OCRL: variants seen among roughly 807,000 people sequenced by gnomAD.
OCRL encodes the protein inositol polyphosphate 5-phosphatase OCRL.
A neutral mutation model predicts 78.9 loss-of-function variants in OCRL; 8 were observed. The ratio of observed to expected loss-of-function variants is 0.10; its 90% CI spans 0.06 to 0.18. The LOEUF (loss-of-function observed/expected upper bound fraction) is 0.18. Ranked by LOEUF, OCRL falls within the 10% of genes least tolerant of loss-of-function variation. The pLI, the probability that OCRL is intolerant of heterozygous loss-of-function variation, is 1.00. For missense variants in OCRL, 454 were observed against 696.7 expected (o/e 0.65, Z 3.92); for synonymous variants, 240 against 235.4 (o/e 1.02, Z -0.18).
At chrX:129,581,037 G>A (rs976880378) in intron 18 of OCRL, among the ~76,000 whole-genome samples, 15 of 111,655 alleles carry the variant, frequency 1.3e-4, no homozygotes, top group Non-Finnish European at 7.5e-5. Flanking sequence ...GCTAATTTTT[G>A]CCTTTTTAGT....
Position 129,581,716 on chromosome X carries a change from T to C in OCRL, c.2116-2628T>C, listed in dbSNP as rs768042073. 1.4e-4 allele frequency among the ~76,000 whole-genome samples: 13 copies of C among 92,133 alleles called. No individual in the cohort carries two copies. The East Asian group carries it at 1.4e-3, about 10-fold the overall frequency. 80.0% of individuals were successfully genotyped at this position (92,133 alleles called of 115,157 possible). The stretch of plus-strand genomic sequence containing the variant: ...TACTTAGAAATTATATATATATATA[T>C]ACACACACCTGTGTGTGTGTGTGTG... On this transcript the variant is annotated intron_variant, in intron 18 of 23. Transcript: ENST00000371113.
At chrX:129,565,023 T>C (rs1395136636) in intron 12 of OCRL, among the ~76,000 whole-genome samples, 1 of 112,047 alleles carries the variant, frequency 8.9e-6, no homozygotes, top group Non-Finnish European at 1.9e-5. Flanking sequence ...TTAAAATGTA[T>C]GGTCATGAAG....
intron 18 of OCRL, among the ~76,000 whole-genome samples, chrX:129,580,838 A>G (rs1936429414): frequency 9.0e-6 from 1 of 111,568 alleles, no homozygotes; most frequent in Non-Finnish European, 1.9e-5. Flanking sequence ...TCCTTTTTAG[A>G]ACTTCATTTT....
In OCRL at chrX:129,587,041, G is replaced by A. The variant is rs764484301; in HGVS notation, c.2179G>A (p.Ala727Thr). 3 of 1,208,882 alleles carry A rather than the reference G, an allele frequency of 2.5e-6. No homozygotes were observed. Among genetic ancestry groups the A allele is most frequent in the Non-Finnish European group, 3.4e-6 (3 of 892,925 alleles). The change falls in exon 20 of 24, where the codon GCC becomes ACC. Residue 727 changes from alanine (A) to threonine (T), a missense_variant. Coordinates refer to ENST00000371113, the MANE Select transcript of OCRL (RefSeq NM_000276.4). ...GCAAATGGTTCCTTTGGATGAAGGTGCCAGTGAGAGACCCCTTCAGGTTCC... is the reference window on the plus strand; with the variant it reads ...GCAAATGGTTCCTTTGGATGAAGGTACCAGTGAGAGACCCCTTCAGGTTCC... ...LLQMVPLDEG[A>T]SERPLQVPKE... is the part of the protein sequence containing the mutation.
intron 19 of OCRL, among the ~76,000 whole-genome samples, chrX:129,585,358 C>T (rs1320200038): frequency 8.9e-6 from 1 of 112,368 alleles, no homozygotes; most frequent in Admixed American, 9.4e-5. Context: ...GTCTTTTTAT[C>T]TTAGGCAGTG....
chrX:129,575,165 A>T lies in OCRL; in HGVS notation c.1628A>T (p.Tyr543Phe). 8.3e-7 allele frequency: 1 copy of T among 1,204,466 alleles called. No homozygotes were observed. Among genetic ancestry groups the T allele is most frequent in the Non-Finnish European group, 1.1e-6 (1 of 888,510 alleles). ...IGVKVVDERR[Y>F]RKVFEDSVRI... ...GTGAAGGTTGTGGATGAACGAAGGTACCGGAAAGTCTTTGAAGATAGTGTA... is the reference window on the plus strand; with the variant it reads ...GTGAAGGTTGTGGATGAACGAAGGTTCCGGAAAGTCTTTGAAGATAGTGTA... The change falls in exon 16 of 24, where the codon TAC becomes TTC. Residue 543 changes from tyrosine (Y) to phenylalanine (F), a missense_variant. Physicochemically the swap from Tyr to Phe is conservative, Grantham distance 22 (BLOSUM62 3). Transcript: ENST00000371113.
In OCRL at chrX:129,558,847, C is replaced by A; in HGVS notation, c.568C>A (p.Arg190Ser). The A allele has an allele frequency of 5.8e-6, 7 of 1,211,869 alleles. No homozygotes were observed. Among genetic ancestry groups the A allele is most frequent in the Non-Finnish European group, 7.8e-6 (7 of 895,407 alleles). The change falls in exon 8 of 24, where the codon CGT (arginine) becomes AGT (serine). Residue 190 changes from arginine to serine, a missense_variant. Around this residue, in one of 2 missense-constraint regions of OCRL, gnomAD observed 177 missense variants for 179.6 expected, o/e 0.99. Transcript: ENST00000371113. ...PPFSVNKMLP[R>S]EKEASNKEQP... ...CTCTCATTTATTTGCTAGGCTTCCA[C>A]GTGAAAAAGAAGCTTCTAACAAGGA... is the stretch of plus-strand genomic sequence containing the variant.
Position 129,558,858 on chromosome X carries a change from A to G in OCRL, c.579A>G (p.Glu193=). The stretch of plus-strand genomic sequence containing the variant: ...TTGCTAGGCTTCCACGTGAAAAAGA[A>G]GCTTCTAACAAGGAGCAGCCCAAAG... The part of the protein sequence containing the change: ...SVNKMLPREK[E]ASNKEQPKVT... Residue 193 remains glutamate, a synonymous_variant, in exon 8 of 24, where the codon GAA becomes GAG. Coordinates refer to ENST00000371113, the MANE Select transcript of OCRL (RefSeq NM_000276.4). The G allele has an allele frequency of 1.6e-6, 2 of 1,212,169 alleles. No individual in the cohort carries two copies. Among genetic ancestry groups the G allele is most frequent in the East Asian group, 3.0e-5 (1 of 33,867 alleles).
intron 2 of OCRL, among the ~76,000 whole-genome samples, 200 bp downstream of exon 2, chrX:129,541,023 C>T (rs1935790701): frequency 8.9e-6 from 1 of 111,866 alleles, no homozygotes; most frequent in Non-Finnish European, 1.9e-5. Flanking sequence ...GGCAGTGTGG[C>T]TCAGTGGAAG....
chrX:129,579,080 G>T (rs1232226379), intron 18 of OCRL, among the ~76,000 whole-genome samples: 1 of 111,257 alleles, frequency 9.0e-6, no homozygotes, highest in Non-Finnish European at 1.9e-5. Context: ...TACCAGTTCA[G>T]CTTCCCTAAT....
chrX:129,590,096 T>C, intron 23 of OCRL, 50 bp from the exon 24 acceptor site: 1 of 1,210,823 alleles, frequency 8.3e-7, no homozygotes, highest in Non-Finnish European at 1.1e-6. Context: ...GAGGTTTTGC[T>C]TAGGTTATGT....
chrX:129,586,814 T>C (rs1364883583), intron 19 of OCRL, 188 bp from the exon 20 acceptor site: 1 of 548,989 alleles, frequency 1.8e-6, no homozygotes. Flanking sequence ...GGAAAGGACA[T>C]CCTTTAACTA....
chrX:129,577,169 T>C (rs1377400873), intron 18 of OCRL, among the ~76,000 whole-genome samples: 2 of 111,619 alleles, frequency 1.8e-5, no homozygotes, highest in Admixed American at 1.9e-4. Flanking sequence ...GGCAATGGAA[T>C]CAGAATCTCA....
In OCRL at chrX:129,590,548, G is replaced by A. The variant is rs2071706; in HGVS notation, c.*278G>A. The A allele has an allele frequency of 0.21, 66,463 of 316,946 alleles. 5,141 individuals are homozygous for A. Among genetic ancestry groups the A allele is most frequent in the Non-Finnish European group, 0.25 (43,892 of 177,379 alleles). The allele number at this position is 316,946 out of a possible 1,213,427, so 26.1% of individuals were successfully genotyped here. A position where few individuals can be genotyped will look rare whatever the true frequency, so the allele number is the denominator to read the frequency against. ...ATCTGTATTTACACTCCTTCACCTA[G>A]GGATGTGTTTGTTGCCCTCCTACCC... On this transcript the variant is annotated 3_prime_UTR_variant, in exon 24 of 24. Coordinates refer to ENST00000371113, the MANE Select transcript of OCRL (RefSeq NM_000276.4).
intron 19 of OCRL, among the ~76,000 whole-genome samples, chrX:129,584,675 G>C (rs1485178363): frequency 2.7e-5 from 3 of 112,029 alleles, no homozygotes; most frequent in Non-Finnish European, 5.6e-5. Context: ...TTGGAGGGGG[G>C]TACCAGTTAG....
In OCRL at chrX:129,587,022, G is replaced by C. The variant is rs766557058; in HGVS notation, c.2160G>C (p.Met720Ile). 1 of 1,202,339 alleles carries C rather than the reference G, an allele frequency of 8.3e-7. No homozygotes were observed. Among genetic ancestry groups the C allele is most frequent in the African/African-American group, 1.8e-5 (1 of 56,954 alleles). The change falls in exon 20 of 24, where the codon ATG (methionine) becomes ATC (isoleucine). Residue 720 changes from methionine (M) to isoleucine (I), a missense_variant. This residue lies in a region of OCRL where 277 missense variants were observed against 517.1 expected (regional missense o/e 0.54). Transcript: ENST00000371113. ...FLEKEKSLLQ[M>I]VPLDEGASER... The stretch of plus-strand genomic sequence containing the variant: ...ATTAGGAGAAATCCCTTCTGCAAAT[G>C]GTTCCTTTGGATGAAGGTGCCAGTG...
intron 4 of OCRL, among the ~76,000 whole-genome samples, chrX:129,554,909 G>A (rs1936016671): frequency 9.3e-6 from 1 of 107,093 alleles, no homozygotes; most frequent in African/African-American, 3.4e-5. Flanking sequence ...CCGAGATCGC[G>A]GCATTGCATT....
chrX:129,544,814 G>C, intron 2 of OCRL, 144 bp from the exon 3 acceptor site: 1 of 507,068 alleles, frequency 2.0e-6, no homozygotes, highest in South Asian at 2.6e-5. Flanking sequence ...GCAATATCTA[G>C]CTGTCATGAT....
intron 20 of OCRL, among the ~76,000 whole-genome samples, chrX:129,587,662 C>A (rs1032700855): frequency 9.1e-6 from 1 of 110,304 alleles, no homozygotes; most frequent in Non-Finnish European, 1.9e-5. Context: ...ATGCGATTTC[C>A]TCCTTCCCCA....
Sources: allele counts gnomAD v4.1 joint callset (sites outside exome capture counted in the v4.1 genomes callset), GRCh38; gene constraint gnomAD v4.1.1; regional missense constraint gnomAD v4.1.1; transcripts MANE v1.5; gene names NCBI Gene and HGNC (gene_info 2026-07-23, HGNC 2026-07-21).